Variants in EVA1A observed in about 807,000 individuals in gnomAD.
EVA1A encodes eva-1 homolog A, regulator of programmed cell death, also known as protein eva-1 homolog A.
Under a neutral mutation model 9.8 loss-of-function variants are expected in EVA1A, and 7 were observed. The observed-to-expected ratio is 0.71, with a 90% CI of 0.41 to 1.34. The LOEUF (loss-of-function observed/expected upper bound fraction) is 1.34, where lower values mean the gene tolerates loss of function less well. EVA1A is among the 40% of genes most tolerant of loss of function. EVA1A has a pLI of 0.01. For synonymous variants in EVA1A, 90 were observed against 85.6 expected (o/e 1.05, Z -0.28); for missense variants, 206 against 205.9 (o/e 1.00, Z 0.00).
In EVA1A at chr2:75,548,794, C is replaced by T. The variant is rs1215446970; in HGVS notation, c.-192+11886G>A. ...CTGTTCTTGTCCAGGATAGCAGTTA[C>T]CAGTTTATAATCATCATGTATTTTA... On this transcript the variant is annotated intron_variant, in intron 1 of 3. Coordinates refer to ENST00000393913, the MANE Select transcript of EVA1A (RefSeq NM_001135032.2). 2.0e-5 allele frequency among the ~76,000 whole-genome samples: 3 copies of T among 152,018 alleles called. No individual in the cohort carries two copies. In the East Asian group the frequency reaches 5.8e-4, roughly 29 times the overall value.
At chr2:75,539,707 G>A (rs1330480768) in intron 1 of EVA1A, among the ~76,000 whole-genome samples, 1 of 151,902 alleles carries the variant, frequency 6.6e-6, no homozygotes, top group Non-Finnish European at 1.5e-5. Context: ...ACTTACTAAG[G>A]ATCAGGCAAA....
intron 1 of EVA1A, among the ~76,000 whole-genome samples, chr2:75,549,008 ATT>A (rs10552575): frequency 0.087 from 7,387 of 85,056 alleles, 215 homozygotes; most frequent in East Asian, 0.2. Context: ...ATATATATAT[ATT>A]TTTTTTTTTT....
chr2:75,543,512 TG>T (rs796659199), intron 1 of EVA1A, among the ~76,000 whole-genome samples: 5 of 148,870 alleles, frequency 3.4e-5, no homozygotes, highest in African/African-American at 1.2e-4. Flanking sequence ...AGGAGGTGAG[TG>T]GGTGAAAAAA....
intron 2 of EVA1A, among the ~76,000 whole-genome samples, chr2:75,521,077 A>G (rs1409953329): frequency 6.6e-6 from 1 of 152,234 alleles, no homozygotes; most frequent in Non-Finnish European, 1.5e-5. Context: ...CTCCAAAGAT[A>G]TACAAGTAGT....
At chr2:75,566,414 G>A (rs1465147629) in intron 1 of EVA1A, among the ~76,000 whole-genome samples, 1 of 152,070 alleles carries the variant, frequency 6.6e-6, no homozygotes, top group African/African-American at 2.4e-5. Flanking sequence ...ATGAGAGGAT[G>A]CCAGGAGCAC....
intron 3 of EVA1A, among the ~76,000 whole-genome samples, chr2:75,514,454 T>G (rs1228251217): frequency 3.3e-5 from 5 of 152,178 alleles, no homozygotes; most frequent in Non-Finnish European, 2.9e-5. Flanking sequence ...GGTGTGATAA[T>G]TGTCTACTAT....
Position 75,504,850 on chromosome 2 carries a change from G to A in EVA1A, c.86-11241C>T, listed in dbSNP as rs564909911. On this transcript the variant is annotated intron_variant, in intron 3 of 3. Transcript: ENST00000393913. ...TTAGAACAAATACCTAATGCATGCG[G>A]GGCTTGAAACCTAGATAACAGGTTG... 3.7e-4 allele frequency among the ~76,000 whole-genome samples: 56 copies of A among 152,230 alleles called. 1 individual carries two copies. In the South Asian group the frequency reaches 7.3e-3, roughly 20 times the overall value.
intron 3 of EVA1A, among the ~76,000 whole-genome samples, chr2:75,508,779 C>T (rs1215776780): frequency 6.6e-6 from 1 of 152,016 alleles, no homozygotes; most frequent in Admixed American, 6.6e-5. Flanking sequence ...GTGATGTCTC[C>T]CCCGGATGCC....
chr2:75,497,781 G>C (rs1207985843), intron 3 of EVA1A, among the ~76,000 whole-genome samples: 2 of 138,318 alleles, frequency 1.4e-5, no homozygotes, highest in Non-Finnish European at 3.1e-5. Context: ...AGCCAGGGAA[G>C]TAGAGGCTAC....
intron 1 of EVA1A, among the ~76,000 whole-genome samples, chr2:75,553,110 G>A (rs974359238): frequency 8.5e-5 from 13 of 152,182 alleles, no homozygotes; most frequent in Admixed American, 7.9e-4. Flanking sequence ...AAGCAGCCCT[G>A]GTTTGCTCAC....
intron 1 of EVA1A, among the ~76,000 whole-genome samples, chr2:75,528,184 C>A (rs116019097): frequency 6.6e-6 from 1 of 152,066 alleles, no homozygotes; most frequent in Admixed American, 6.6e-5. Context: ...GGAAGGGCCA[C>A]GGGGAGAAAG....
chr2:75,566,771 T>C (rs2104009557), intron 1 of EVA1A, among the ~76,000 whole-genome samples: 1 of 152,344 alleles, frequency 6.6e-6, no homozygotes, highest in Non-Finnish European at 1.5e-5. Flanking sequence ...TTTCTTCTGA[T>C]TAATGATAGG....
In EVA1A at chr2:75,518,184, A is replaced by T. The variant is rs200319399; in HGVS notation, c.-44T>A. The T allele has an allele frequency of 5.0e-6, 8 of 1,605,284 alleles. No individual in the cohort carries two copies. In the East Asian group the frequency reaches 1.6e-4, roughly 31 times the overall value. On this transcript the variant is annotated 5_prime_UTR_variant, in exon 3 of 4. It adds an upstream start codon to the 5' untranslated region. Coordinates refer to ENST00000393913, the MANE Select transcript of EVA1A (RefSeq NM_001135032.2). ...CTCCTGGAGGTGCTTGGCTGAATCA[A>T]CGTGGCCACTCTCCTTCTTCTCTTC...
chr2:75,559,379 C>T (rs980784002), intron 1 of EVA1A, among the ~76,000 whole-genome samples: 2 of 152,146 alleles, frequency 1.3e-5, no homozygotes, highest in African/African-American at 4.8e-5. Flanking sequence ...TGAGGAAATC[C>T]AGCTACAGAA....
intron 1 of EVA1A, chr2:75,542,632 A>G (rs1676171044): frequency 6.6e-6 from 1 of 152,426 alleles, no homozygotes; most frequent in Admixed American, 6.5e-5. Context: ...TCCTGCGTGC[A>G]TAATCACTCC....
At chr2:75,526,179 T>G (rs193029261) in intron 1 of EVA1A, 32 of 152,320 alleles carry the variant, frequency 2.1e-4, no homozygotes, top group Non-Finnish European at 3.2e-4. Flanking sequence ...GCAAATGTGG[T>G]CAGCGATCTA....
At chr2:75,546,703 A>G (rs1190527156) in intron 1 of EVA1A, among the ~76,000 whole-genome samples, 3 of 152,128 alleles carry the variant, frequency 2.0e-5, no homozygotes, top group Admixed American at 6.5e-5. Context: ...CCCTAAAAAT[A>G]TGGGGAACTC....
At chr2:75,539,580 G>A (rs1172655754) in intron 1 of EVA1A, among the ~76,000 whole-genome samples, 1 of 152,172 alleles carries the variant, frequency 6.6e-6, no homozygotes, top group East Asian at 1.9e-4. Context: ...ATTGGTGGCA[G>A]TGGTGAAGAT....
intron 1 of EVA1A, among the ~76,000 whole-genome samples, chr2:75,538,754 T>C (rs1572979714): frequency 6.6e-6 from 1 of 152,356 alleles, no homozygotes; most frequent in South Asian, 2.1e-4. Context: ...AGGCTGCATA[T>C]TGTATGATTT....
Sources: allele counts gnomAD v4.1 joint callset (sites outside exome capture counted in the v4.1 genomes callset), GRCh38; gene constraint gnomAD v4.1.1; transcripts MANE v1.5; gene names NCBI Gene and HGNC (gene_info 2026-07-23, HGNC 2026-07-21).